Variants in FAF1 observed in about 807,000 individuals in gnomAD.
FAF1 encodes Fas associated factor 1, also known as FAS-associated factor 1.
In FAF1, 25 loss-of-function variants were observed where a neutral mutation model predicts 92.5. The ratio of observed to expected loss-of-function variants is 0.27; its 90% confidence interval spans 0.20 to 0.38. FAF1 has a LOEUF of 0.38. Among genes scored for constraint, FAF1 ranks in the 10% least tolerant of loss-of-function variants. The pLI is 1.00. For missense variants in FAF1, 636 were observed against 793.3 expected, an observed-to-expected ratio of 0.80 and a Z score of 2.38; for synonymous variants, 234 against 273.2, an observed-to-expected ratio of 0.86 and a Z score of 1.42.
At chr1:50,807,042 C>T (rs956565790) in intron 2 of FAF1, among the ~76,000 whole-genome samples, 1 of 152,120 alleles carries the variant, frequency 6.6e-6, no homozygotes, top group African/African-American at 2.4e-5. Flanking sequence ...CTTAACCAGA[C>T]TGAATGGCTG....
intron 13 of FAF1, among the ~76,000 whole-genome samples, chr1:50,552,677 T>C (rs1649368454): frequency 6.6e-6 from 1 of 152,176 alleles, no homozygotes; most frequent in Non-Finnish European, 1.5e-5. Flanking sequence ...TCTGAAGGAA[T>C]ATATAGACAG....
At chr1:50,520,808 G>A (rs571526125) in intron 15 of FAF1, among the ~76,000 whole-genome samples, 1 of 152,174 alleles carries the variant, frequency 6.6e-6, no homozygotes, top group Non-Finnish European at 1.5e-5. Flanking sequence ...CTGTGCCACT[G>A]CACTCCAGCA....
chr1:50,956,640 G>A (rs199925876), intron 1 of FAF1, among the ~76,000 whole-genome samples: 2 of 152,152 alleles, frequency 1.3e-5, no homozygotes, highest in East Asian at 3.8e-4. Context: ...CAAGTCTTAA[G>A]CTGCAATCCT....
intron 1 of FAF1, among the ~76,000 whole-genome samples, chr1:50,921,212 A>T (rs1399947142): frequency 6.6e-6 from 1 of 152,210 alleles, no homozygotes; most frequent in Non-Finnish European, 1.5e-5. Context: ...GAGCCATCAC[A>T]GGGCCTAGGG....
At chr1:50,947,453 G>A (rs1046824501) in intron 1 of FAF1, among the ~76,000 whole-genome samples, 1 of 152,156 alleles carries the variant, frequency 6.6e-6, no homozygotes, top group Non-Finnish European at 1.5e-5. Flanking sequence ...ATAAAGCCAG[G>A]TGTAATTATT....
intron 1 of FAF1, among the ~76,000 whole-genome samples, chr1:50,875,204 CTTAT>C (rs1235814795): frequency 2.0e-5 from 3 of 151,590 alleles, no homozygotes; most frequent in Non-Finnish European, 4.4e-5. Flanking sequence ...TCATTTATTT[CTTAT>C]TTATTTCATT....
chr1:50,512,399 CTT>C (rs1410189212), intron 15 of FAF1, among the ~76,000 whole-genome samples: 2 of 152,162 alleles, frequency 1.3e-5, no homozygotes, highest in African/African-American at 4.8e-5. Flanking sequence ...TTTAATCCAC[CTT>C]GAGTTAATTT....
intron 1 of FAF1, among the ~76,000 whole-genome samples, chr1:50,875,650 A>G (rs896320756): frequency 1.3e-5 from 2 of 151,974 alleles, no homozygotes; most frequent in Non-Finnish European, 2.9e-5. Context: ...ACGGGATTTC[A>G]CCATGTTGGT....
intron 15 of FAF1, among the ~76,000 whole-genome samples, chr1:50,501,274 T>C (rs1368198360): frequency 2.6e-5 from 4 of 152,332 alleles, no homozygotes; most frequent in Non-Finnish European, 5.9e-5. Context: ...CAAATAAGCA[T>C]GTCGAAAAAT....
At chr1:50,746,577 C>T (rs1659632216) in intron 4 of FAF1, among the ~76,000 whole-genome samples, 1 of 151,676 alleles carries the variant, frequency 6.6e-6, no homozygotes, top group Non-Finnish European at 1.5e-5. Flanking sequence ...GCTGGGATTA[C>T]AGGCATGAGC....
At chr1:50,490,261 G>T (rs1646815064) in intron 17 of FAF1, among the ~76,000 whole-genome samples, 1 of 152,108 alleles carries the variant, frequency 6.6e-6, no homozygotes, top group Non-Finnish European at 1.5e-5. Context: ...TTGGGAGGCT[G>T]AGGCAGGAGA....
At chr1:50,599,837 C>T (rs898984286) in intron 8 of FAF1, among the ~76,000 whole-genome samples, 4 of 152,016 alleles carry the variant, frequency 2.6e-5, no homozygotes, top group Non-Finnish European at 4.4e-5. Flanking sequence ...GACAAGTATC[C>T]CTTATTTAAA....
At chr1:50,779,268 A>G (rs1661073974) in intron 4 of FAF1, among the ~76,000 whole-genome samples, 1 of 152,126 alleles carries the variant, frequency 6.6e-6, no homozygotes, top group African/African-American at 2.4e-5. Flanking sequence ...AGCTTCTTCC[A>G]AACTCCTATT....
At chr1:50,735,593 GTTT>G (rs780009756) in intron 6 of FAF1, among the ~76,000 whole-genome samples, 2 of 152,110 alleles carry the variant, frequency 1.3e-5, no homozygotes, top group Non-Finnish European at 2.9e-5. Flanking sequence ...AAGTTAAGAA[GTTT>G]TTTTGTTTTC....
At chr1:50,635,942 G>A (rs1467534845) in intron 8 of FAF1, among the ~76,000 whole-genome samples, 1 of 152,176 alleles carries the variant, frequency 6.6e-6, no homozygotes, top group East Asian at 1.9e-4. Context: ...ATATGGTTTG[G>A]CCAGTGTAAA....
chr1:50,774,805 C>T (rs1291996681), intron 4 of FAF1, among the ~76,000 whole-genome samples: 1 of 152,086 alleles, frequency 6.6e-6, no homozygotes, highest in Admixed American at 6.6e-5. Flanking sequence ...CAATACTTCA[C>T]ATCAGACACC....
At chr1:50,852,204 T>C (rs1331137729) in intron 2 of FAF1, among the ~76,000 whole-genome samples, 1 of 152,234 alleles carries the variant, frequency 6.6e-6, no homozygotes, top group Non-Finnish European at 1.5e-5. Flanking sequence ...AAACTAACCC[T>C]TTCTTATTCC....
At chr1:50,521,071 T>C (rs1647474441) in intron 15 of FAF1, among the ~76,000 whole-genome samples, 1 of 152,234 alleles carries the variant, frequency 6.6e-6, no homozygotes, top group African/African-American at 2.4e-5. Flanking sequence ...AAATTGTATA[T>C]ATCATGTATA....
chr1:50,936,793 T>C (rs974365475), intron 1 of FAF1, among the ~76,000 whole-genome samples: 2 of 152,024 alleles, frequency 1.3e-5, no homozygotes, highest in African/African-American at 4.8e-5. Flanking sequence ...TGTACATTAA[T>C]GCTGAAGAGA....
Sources: gnomAD v4.1 joint callset for allele counts (sites outside exome capture counted in the v4.1 genomes callset) on GRCh38, gnomAD v4.1.1 for gene constraint, MANE v1.5 for transcripts, NCBI Gene and HGNC (gene_info 2026-07-23, HGNC 2026-07-21) for gene names.